The following PSG2 variants were observed in gnomAD, a reference collection of about 807,000 sequenced individuals.
The protein encoded by PSG2 is pregnancy specific beta-1-glycoprotein 2.
A neutral mutation model predicts 36.2 loss-of-function variants in PSG2; 49 were observed. The observed-to-expected ratio is 1.35, with a 90% CI of 1.08 to 1.72. The LOEUF (loss-of-function observed/expected upper bound fraction) is 1.72. PSG2 is among the 40% of genes most tolerant of loss of function. The pLI, the probability that PSG2 is intolerant of heterozygous loss-of-function variation, is 0.00. For missense variants in PSG2, 605 were observed against 407.2 expected (o/e 1.49, Z -4.18); for synonymous variants, 261 against 155.6 (o/e 1.68, Z -5.04).
At chr19:43,080,849 C>G (rs750572900) in intron 2 of PSG2, 32 bp downstream of exon 2, 2 of 1,611,916 alleles carry the variant, frequency 1.2e-6, no homozygotes, top group South Asian at 1.1e-5. Context: ...CCCCTGTCCC[C>G]CAACACCCAG....
In PSG2 at chr19:43,077,701, T is replaced by G. The variant is rs17797695; in HGVS notation, c.431-2069A>C. On this transcript the variant is annotated intron_variant, in intron 2 of 5. Transcript: ENST00000406487. ...CACCAGTATTCCTATTACGTGTACG[T>G]TACAGCATTTGTATTTGTCCCACAA... Among the ~76,000 whole-genome samples, 266 of 151,916 alleles carry G rather than the reference T, an allele frequency of 1.8e-3. 5 individuals are homozygous for G. Among genetic ancestry groups the G allele is most frequent in the East Asian group, 0.012 (61 of 5,190 alleles).
chr19:43,072,806 A>G (rs1408026428), intron 3 of PSG2, among the ~76,000 whole-genome samples: 1 of 151,752 alleles, frequency 6.6e-6, no homozygotes, highest in Non-Finnish European at 1.5e-5. Context: ...AAAGACTGTG[A>G]GGCCGCCTGC....
intron 2 of PSG2, among the ~76,000 whole-genome samples, chr19:43,075,907 C>T (rs919048209): frequency 1.3e-5 from 2 of 151,470 alleles, no homozygotes; most frequent in Non-Finnish European, 2.9e-5. Context: ...CAGTCACAGC[C>T]CCTGGTGCCT....
intron 4 of PSG2, 43 bp from the exon 5 acceptor site, chr19:43,066,643 A>G: frequency 1.3e-6 from 2 of 1,533,782 alleles, no homozygotes; most frequent in Non-Finnish European, 1.8e-6. Flanking sequence ...AGGTGATGTT[A>G]TTTTACATGG....
chr19:43,078,554 C>G (rs1227391718), intron 2 of PSG2, among the ~76,000 whole-genome samples: 1 of 151,654 alleles, frequency 6.6e-6, no homozygotes, highest in Non-Finnish European at 1.5e-5. Context: ...TGGTCCCTAC[C>G]TAGAGGCGGA....
chr19:43,067,697 T>C (rs994511610), intron 4 of PSG2, among the ~76,000 whole-genome samples: 2 of 151,316 alleles, frequency 1.3e-5, no homozygotes, highest in African/African-American at 2.5e-5. Flanking sequence ...AGGTTGATGA[T>C]GATGATAGTA....
chr19:43,082,400 T>A lies in PSG2; in HGVS notation c.64+106A>T, dbSNP rs1387047536. 1.2e-5 allele frequency: 19 copies of A among 1,523,842 alleles called. 1 individual carries two copies. The highest frequency in any genetic ancestry group is 1.1e-4 in the East Asian group (5 of 43,858). 94.4% of individuals were successfully genotyped at this position (1,523,842 alleles called of 1,614,324 possible). On this transcript the variant is annotated intron_variant, in intron 1 of 5. Transcript: ENST00000406487. Reference sequence around the variant, plus strand: ...CGTGATCCACCCACCTCAGCCTCCCTAAGTGCTGGCTTCTTTCATTTTTTA... The same window carrying A: ...CGTGATCCACCCACCTCAGCCTCCCAAAGTGCTGGCTTCTTTCATTTTTTA...
rs1460262346 is a variant in PSG2, at chr19:43,080,935, T to G, written c.376A>C (p.Lys126Gln). 2.2e-5 allele frequency: 35 copies of G among 1,612,802 alleles called. No homozygotes were observed. The highest frequency in any genetic ancestry group is 1.7e-4 in the Middle Eastern group (1 of 6,056). The stretch of plus-strand genomic sequence containing the variant: ...ACTCCTCTAGTCCCATCACCTCGCT[T>G]TATGATGTGTAAGGTGTAGGATCCT... ...DAGSYTLHII[K>Q]RGDGTRGVTG... Residue 126 changes from lysine (K) to glutamine (Q), a missense_variant, in exon 2 of 6, where the codon AAG becomes CAG. By Grantham distance (53) the Lys-to-Gln change is moderately conservative (BLOSUM62 1). Transcript: ENST00000406487.
At chr19:43,079,460 G>A (rs768660481) in intron 2 of PSG2, among the ~76,000 whole-genome samples, 6 of 151,584 alleles carry the variant, frequency 4.0e-5, no homozygotes, top group Non-Finnish European at 8.8e-5. Flanking sequence ...TCTCTAAAGA[G>A]GTTTTGGATC....
At chr19:43,072,363 G>A (rs1207496343) in intron 3 of PSG2, 21 of 1,612,472 alleles carry the variant, frequency 1.3e-5, no homozygotes, top group Non-Finnish European at 1.6e-5. Flanking sequence ...AGGACATTCA[G>A]GGTGACTGGG....
intron 4 of PSG2, 65 bp downstream of exon 4, chr19:43,071,635 C>T: frequency 6.2e-7 from 1 of 1,612,274 alleles, no homozygotes; most frequent in East Asian, 2.2e-5. Context: ...TTTCCTGACT[C>T]TTCTCTGAAA....
At position 43,064,626 on chromosome 19, in the gene PSG2, T is replaced by A. The variant is rs774139455; in HGVS notation, c.*41-25A>T. 4.4e-5 allele frequency: 27 copies of A among 611,876 alleles called. 1 individual carries two copies. The highest frequency in any genetic ancestry group is 7.4e-5 in the Non-Finnish European group (24 of 323,212). 37.9% of individuals were successfully genotyped at this position (611,876 alleles called of 1,614,324 possible). A position where few individuals can be genotyped will look rare whatever the true frequency, so the allele number is the denominator to read the frequency against. ...CCTTGAAGAAAAAGCAATTTTGGAC[T>A]GTAGGTGATTGTAAGTAGTTTGAGG... On this transcript the variant is annotated intron_variant, in intron 5 of 5. Coordinates refer to ENST00000406487, the MANE Select transcript of PSG2 (RefSeq NM_031246.4).
Position 43,073,806 on chromosome 19 carries a change from TA to T in PSG2, c.709+1547del, listed in dbSNP as rs549674282. On this transcript the variant is annotated intron_variant, in intron 3 of 5. Coordinates refer to ENST00000406487, the MANE Select transcript of PSG2 (RefSeq NM_031246.4). The stretch of plus-strand genomic sequence containing the variant: ...TTGAGTATTTCTTATGCATAAGACT[TA>T]AGACAAAAAGTGTTTCGGATTTCTG... Among the ~76,000 whole-genome samples, 752 of 151,784 alleles carry T rather than the reference TA, an allele frequency of 5.0e-3. 24 individuals are homozygous for T. Among genetic ancestry groups the T allele is most frequent in the African/African-American group, 0.018 (725 of 41,196 alleles).
chr19:43,075,487 C>G lies in PSG2; in HGVS notation c.576G>C (p.Arg192Ser), dbSNP rs1226325836. The G allele has an allele frequency of 1.2e-6, 2 of 1,613,062 alleles. No homozygotes were observed. The highest frequency in any genetic ancestry group is 1.7e-6 in the Non-Finnish European group (2 of 1,179,712). ...TCCTGTTGGTTTCGGACAGCTGAAA[C>G]CTATGAGTCATAGGGAGGCTCTGAC... Reference protein sequence around the residue: ...MNGQSLPMTHRFQLSETNRTL... With the variant: ...MNGQSLPMTHSFQLSETNRTL... Residue 192 changes from arginine to serine, a missense_variant, in exon 3 of 6, where the codon AGG (arginine) becomes AGC (serine). Arg to Ser is a moderately radical substitution (Grantham distance 110, BLOSUM62 -1). Coordinates refer to ENST00000406487, the MANE Select transcript of PSG2 (RefSeq NM_031246.4).
rs572309356 is a variant in PSG2 at position 43,080,443 on chromosome 19, A to G, written c.430+438T>C. Among the ~76,000 whole-genome samples, 55 of 151,782 alleles carry G rather than the reference A, an allele frequency of 3.6e-4. 1 individual carries two copies. The highest frequency in any genetic ancestry group is 1.3e-3 in the African/African-American group (53 of 41,174). ...TGAAGCCACAACCCAGCCCTGGCAC[A>G]GGCTCCTAAGCTTTATCTGGAGCAA... On this transcript the variant is annotated intron_variant, in intron 2 of 5. Transcript: ENST00000406487.
rs2122901847 is a variant in PSG2 at position 43,071,833 on chromosome 19, C to T, written c.831G>A (p.Gly277=). 1 of 1,613,138 alleles carries T rather than the reference C, an allele frequency of 6.2e-7. No homozygotes were observed. The highest frequency in any genetic ancestry group is 1.1e-5 in the South Asian group (1 of 91,042). Residue 277 remains glycine, a synonymous_variant, in exon 4 of 6, where the codon GGG becomes GGA. Transcript: ENST00000406487. ...PPAQYSWTIN[G]KFQQSGQNLF... ...GATTTTGTCCTGATTGCTGAAACTT[C>T]CCATTAATTGTCCAAGAATACTGTG... is the stretch of plus-strand genomic sequence containing the variant.
Position 43,075,540 on chromosome 19 carries a change from C to G in PSG2, c.523G>C (p.Asp175His), listed in dbSNP as rs779897183. The change falls in exon 3 of 6, where the codon GAC (aspartate) becomes CAC (histidine). Residue 175 changes from aspartate to histidine, a missense_variant. Physicochemically the swap from Asp to His is moderately conservative, Grantham distance 81. Transcript: ENST00000406487. ...TTCATCCACCACTGGTAGCTTGTGTCCGGAGTCTCAGGATCACAGGTTAAG... is the reference window on the plus strand; with the variant it reads ...TTCATCCACCACTGGTAGCTTGTGTGCGGAGTCTCAGGATCACAGGTTAAG... Reference protein sequence around the residue: ...VILTCDPETPDTSYQWWMNGQ... With the variant: ...VILTCDPETPHTSYQWWMNGQ... 6.2e-7 allele frequency: 1 copy of G among 1,613,228 alleles called. No homozygotes were observed. Among genetic ancestry groups the G allele is most frequent in the African/African-American group, 1.3e-5 (1 of 74,538 alleles).
In PSG2 at chr19:43,075,605, C is replaced by T. The variant is rs748834897; in HGVS notation, c.458G>A (p.Ser153Asn). The change falls in exon 3 of 6, where the codon AGC (serine) becomes AAC (asparagine). Residue 153 changes from serine (S) to asparagine (N), a missense_variant. Ser to Asn is a conservative substitution (Grantham distance 46). Transcript: ENST00000406487. The part of the protein sequence containing the change: ...YLETPKPSIS[S>N]SNLNPREAME... ...GGCCTCCCTGGGGTTTAAGTTGCTG[C>T]TGGAGATGGAGGGCTTGGGAGTCTC... 1.9e-6 allele frequency: 3 copies of T among 1,613,052 alleles called. No homozygotes were observed. The highest frequency in any genetic ancestry group is 1.7e-5 in the Admixed American group (1 of 59,958).
At chr19:43,066,635 G>T (rs10406902) in intron 4 of PSG2, 35 bp from the exon 5 acceptor site, 13 of 1,558,416 alleles carry the variant, frequency 8.3e-6, no homozygotes, top group Admixed American at 3.3e-5. Flanking sequence ...AGGAATGAAG[G>T]TGATGTTATT....
Sources: allele counts gnomAD v4.1 joint callset (sites outside exome capture counted in the v4.1 genomes callset), GRCh38; gene constraint gnomAD v4.1.1; transcripts MANE v1.5; gene names NCBI Gene and HGNC (gene_info 2026-07-23, HGNC 2026-07-21).